LYRM4: variants seen among roughly 807,000 people sequenced by gnomAD.
LYRM4 encodes LYR motif containing 4.
A neutral mutation model predicts 11.7 loss-of-function variants in LYRM4; 9 were observed. That is an observed-to-expected ratio of 0.77 (90% CI 0.46 to 1.34). LYRM4 has a LOEUF of 1.34. LYRM4 is among the 40% of genes most tolerant of loss of function. The pLI, the probability that LYRM4 is intolerant of heterozygous loss-of-function variation, is 0.00. For synonymous variants in LYRM4, 42 were observed against 40.4 expected (o/e 1.04, Z -0.15); for missense variants, 133 against 112.5 (o/e 1.18, Z -0.82).
At chr6:5,125,144 C>T (rs1322692965) in intron 2 of LYRM4, among the ~76,000 whole-genome samples, 1 of 152,204 alleles carries the variant, frequency 6.6e-6, no homozygotes, top group Non-Finnish European at 1.5e-5. Context: ...GGGGCCTGTG[C>T]CCCACCTTGC....
chr6:5,108,579 G>T lies in LYRM4; in HGVS notation c.*844C>A. The T allele has an allele frequency of 5.8e-6, 2 of 342,808 alleles. No homozygotes were observed. Among genetic ancestry groups the T allele is most frequent in the Non-Finnish European group, 8.3e-6 (2 of 242,240 alleles). The allele number at this position is 342,808 out of a possible 1,614,324, so 21.2% of individuals were successfully genotyped here. A position where few individuals can be genotyped will look rare whatever the true frequency, so the allele number is the denominator to read the frequency against. On this transcript the variant is annotated 3_prime_UTR_variant, in exon 3 of 3. Transcript: ENST00000330636. ...AGTCAGAATCTGCAGAGAGGGAAGT[G>T]CTGAGAGATGTCTTTTTAAAAAGCT...
At chr6:5,114,440 A>G (rs75075478) in intron 2 of LYRM4, among the ~76,000 whole-genome samples, 1,671 of 152,320 alleles carry the variant, frequency 0.011, 30 homozygotes, top group African/African-American at 0.038. Context: ...ATGCACAATG[A>G]GAATTTTAAT....
At chr6:5,214,558 C>T (rs1025024662) in intron 2 of LYRM4, among the ~76,000 whole-genome samples, 1 of 152,026 alleles carries the variant, frequency 6.6e-6, no homozygotes, top group Non-Finnish European at 1.5e-5. Context: ...GAGAACAGAC[C>T]ATGTGTGGGG....
At chr6:5,126,192 T>C (rs1763693099) in intron 2 of LYRM4, among the ~76,000 whole-genome samples, 1 of 152,232 alleles carries the variant, frequency 6.6e-6, no homozygotes, top group Admixed American at 6.5e-5. Context: ...GAACAATGAC[T>C]CTTCCAGAGC....
chr6:5,242,967 G>A (rs1213063877), intron 1 of LYRM4, among the ~76,000 whole-genome samples: 2 of 151,374 alleles, frequency 1.3e-5, no homozygotes, highest in African/African-American at 4.9e-5. Flanking sequence ...TAGAGACGGG[G>A]TTTCACCTTG....
chr6:5,143,973 G>A (rs1242437839), intron 2 of LYRM4, among the ~76,000 whole-genome samples: 2 of 152,194 alleles, frequency 1.3e-5, no homozygotes, highest in African/African-American at 2.4e-5. Context: ...ACCAGCAGCT[G>A]AGCTCCAATT....
chr6:5,218,397 G>A, intron 1 of LYRM4: 1 of 984,660 alleles, frequency 1.0e-6, no homozygotes. Flanking sequence ...TAACTTATTG[G>A]GAAACTTTAT....
At chr6:5,082,268 C>T in the LYRM4 span, among the ~76,000 whole-genome samples, 19 of 152,150 alleles carry the variant, frequency 1.2e-4, no homozygotes, top group African/African-American at 4.3e-4. Context: ...GACACTAGCT[C>T]CAGGTAGATA....
chr6:5,126,714 T>C (rs1471058326), intron 2 of LYRM4, among the ~76,000 whole-genome samples: 1 of 152,166 alleles, frequency 6.6e-6, no homozygotes, highest in Non-Finnish European at 1.5e-5. Context: ...TGCTAAGTGA[T>C]AGAAGCCAAA....
At chr6:5,054,443 C>T in the LYRM4 span, 1 of 153,782 alleles carries the variant, frequency 6.5e-6, no homozygotes, top group South Asian at 2.1e-4. Context: ...GTGCAAACAA[C>T]ACCAAATCCT....
At chr6:5,113,399 CAG>C (rs1317905879) in intron 2 of LYRM4, 1 of 411,468 alleles carries the variant, frequency 2.4e-6, no homozygotes, top group Non-Finnish European at 4.9e-6. Flanking sequence ...GCCTGGGTGA[CAG>C]AGCGAGATTC....
intron 1 of LYRM4, among the ~76,000 whole-genome samples, chr6:5,229,662 T>A (rs1763115809): frequency 6.6e-6 from 1 of 152,272 alleles, no homozygotes; most frequent in Middle Eastern, 3.4e-3. Context: ...GTAAATCAAC[T>A]GAAAGATATC....
the LYRM4 span, among the ~76,000 whole-genome samples, chr6:5,077,510 C>T: frequency 6.6e-6 from 1 of 152,064 alleles, no homozygotes; most frequent in Non-Finnish European, 1.5e-5. Flanking sequence ...AATCCTGTCA[C>T]GTGTATCAAG....
intron 1 of LYRM4, among the ~76,000 whole-genome samples, chr6:5,243,357 A>G (rs1763999027): frequency 6.6e-6 from 1 of 152,242 alleles, no homozygotes; most frequent in African/African-American, 2.4e-5. Flanking sequence ...CGAACAGGAA[A>G]TAAATCAACC....
the LYRM4 span, among the ~76,000 whole-genome samples, chr6:5,060,161 A>T: frequency 6.6e-6 from 1 of 152,254 alleles, no homozygotes; most frequent in East Asian, 1.9e-4. Context: ...TGTACACACG[A>T]AAGTGTGGGA....
At chr6:5,093,767 A>C in the LYRM4 span, among the ~76,000 whole-genome samples, 1 of 152,232 alleles carries the variant, frequency 6.6e-6, no homozygotes, top group Non-Finnish European at 1.5e-5. Flanking sequence ...TTGGGACTGT[A>C]GGGCAAGGGA....
the LYRM4 span, among the ~76,000 whole-genome samples, chr6:5,040,394 T>TAAAG: frequency 6.6e-6 from 1 of 151,288 alleles, no homozygotes; most frequent in Non-Finnish European, 1.5e-5. Context: ...CATACATACA[T>TAAAG]AAAGAAATTT....
the LYRM4 span, among the ~76,000 whole-genome samples, chr6:5,083,555 C>T: frequency 8.5e-5 from 13 of 152,230 alleles, no homozygotes; most frequent in South Asian, 2.7e-3. Flanking sequence ...TGCCTGGCTT[C>T]AAATCCCATG....
chr6:5,198,200 A>G (rs1761180391), intron 2 of LYRM4, among the ~76,000 whole-genome samples: 1 of 152,224 alleles, frequency 6.6e-6, no homozygotes, highest in Non-Finnish European at 1.5e-5. Flanking sequence ...CTCCGTCTCA[A>G]AGAAAAAAAA....
Sources: allele counts gnomAD v4.1 joint callset (sites outside exome capture counted in the v4.1 genomes callset), GRCh38; gene constraint gnomAD v4.1.1; transcripts MANE v1.5; gene names NCBI Gene and HGNC (gene_info 2026-07-23, HGNC 2026-07-21).